The following LCLAT1 variants were observed in gnomAD, a reference collection of about 807,000 sequenced individuals.
LCLAT1 encodes the protein 1-AGP acyltransferase 8.
A neutral mutation model predicts 30.7 loss-of-function variants in LCLAT1; 11 were observed. That is an observed-to-expected ratio of 0.36 (90% CI 0.23 to 0.59). The LOEUF is 0.59. LCLAT1 is among the 20% of genes least tolerant of loss of function. The pLI is 0.77. For synonymous variants in LCLAT1, 155 were observed against 151.3 expected, an observed-to-expected ratio of 1.02 and a Z score of -0.18; for missense variants, 402 against 458.6, an observed-to-expected ratio of 0.88 and a Z score of 1.13.
At chr2:30,471,666 A>G (rs1682802237) in intron 1 of LCLAT1, among the ~76,000 whole-genome samples, 1 of 152,140 alleles carries the variant, frequency 6.6e-6, no homozygotes, top group African/African-American at 2.4e-5. Flanking sequence ...TGGAATTACT[A>G]ATTTTCCTTT....
chr2:30,448,096 GGTGGCTTCCCT>G (rs1254551602), intron 1 of LCLAT1, among the ~76,000 whole-genome samples: 16 of 152,360 alleles, frequency 1.1e-4, no homozygotes, highest in Non-Finnish European at 2.2e-4. Context: ...CCCTGGTTCA[GGTGGCTTCCCT>G]GGAAATACTG....
rs1439687184 is a variant in LCLAT1, at chr2:30,475,616, A to T, written c.-5+28233A>T. On this transcript the variant is annotated intron_variant, in intron 1 of 5. Transcript: ENST00000379509. ...ACATTTTAATGCATGTTTAAATAGAATAATTTTTAAATTGGCATGCCTGTT... is the reference window on the plus strand; with the variant it reads ...ACATTTTAATGCATGTTTAAATAGATTAATTTTTAAATTGGCATGCCTGTT... Among the ~76,000 whole-genome samples, 3 of 152,188 alleles carry T rather than the reference A, an allele frequency of 2.0e-5. No homozygotes were observed. In the East Asian group the frequency reaches 5.8e-4, roughly 29 times the overall value.
At chr2:30,459,521 T>C in intron 1 of LCLAT1, 1 of 864,100 alleles carries the variant, frequency 1.2e-6, no homozygotes. Flanking sequence ...CTCTGCTTTC[T>C]CTTTTTTTCT....
chr2:30,584,040 G>T (rs570042643), intron 5 of LCLAT1, among the ~76,000 whole-genome samples: 4 of 151,904 alleles, frequency 2.6e-5, no homozygotes, highest in African/African-American at 9.7e-5. Flanking sequence ...CCACCTCTCA[G>T]CAGGCCCTGG....
At chr2:30,531,219 C>A (rs894788) in intron 2 of LCLAT1, among the ~76,000 whole-genome samples, 74,035 of 151,702 alleles carry the variant, frequency 0.49, 19,381 homozygotes, top group Non-Finnish European at 0.58. Context: ...GAGCCGAGAT[C>A]GCGCCACTAC....
intron 1 of LCLAT1, among the ~76,000 whole-genome samples, chr2:30,503,071 C>G (rs1239349876): frequency 1.3e-5 from 2 of 152,202 alleles, no homozygotes; most frequent in African/African-American, 4.8e-5. Context: ...TTATTTAGAA[C>G]TTTCTAGGAA....
intron 3 of LCLAT1, among the ~76,000 whole-genome samples, chr2:30,547,523 C>T (rs1489058520): frequency 1.3e-5 from 2 of 152,240 alleles, no homozygotes; most frequent in African/African-American, 4.8e-5. Context: ...TTGAGCCAGT[C>T]TAACCAAAGG....
rs1669236386 is a variant in LCLAT1, at chr2:30,640,316, G to C, written c.828G>C (p.Arg276Ser). Residue 276 changes from arginine to serine, a missense_variant, in exon 6 of 6, where the codon AGG becomes AGC. Coordinates refer to ENST00000379509, the MANE Select transcript of LCLAT1 (RefSeq NM_001002257.3). ...CHKRWEEKEERLRSFYQGEKN... is the reference protein window; with the variant it reads ...CHKRWEEKEESLRSFYQGEKN... ...AACGGTGGGAAGAGAAAGAAGAGAG[G>C]CTGCGTTCCTTCTATCAAGGGGAGA... 6.2e-7 allele frequency: 1 copy of C among 1,614,168 alleles called. No individual in the cohort carries two copies. The highest frequency in any genetic ancestry group is 2.2e-5 in the East Asian group (1 of 44,884).
In LCLAT1 at chr2:30,477,972, C is replaced by CA. The variant is rs543584455; in HGVS notation, c.-5+30592dup. Reference sequence around the variant, plus strand: ...AAGTTTTTCTAGCAGTGAAAAATCTCAAAGATTTACTTAAGGGATAGGAAT... The same window carrying CA: ...AAGTTTTTCTAGCAGTGAAAAATCTCAAAAGATTTACTTAAGGGATAGGAAT... On this transcript the variant is annotated intron_variant, in intron 1 of 5. Coordinates refer to ENST00000379509, the MANE Select transcript of LCLAT1 (RefSeq NM_001002257.3). 5.4e-5 allele frequency among the ~76,000 whole-genome samples: 8 copies of CA among 149,332 alleles called. No individual in the cohort carries two copies. In the South Asian group the frequency reaches 1.7e-3, roughly 32 times the overall value.
At chr2:30,504,391 T>G (rs934141370) in intron 1 of LCLAT1, among the ~76,000 whole-genome samples, 1 of 152,174 alleles carries the variant, frequency 6.6e-6, no homozygotes, top group African/African-American at 2.4e-5. Context: ...TGGGAAGAGA[T>G]AAATGCTACT....
At chr2:30,511,008 A>G (rs974529024) in intron 1 of LCLAT1, among the ~76,000 whole-genome samples, 2 of 151,986 alleles carry the variant, frequency 1.3e-5, no homozygotes, top group Non-Finnish European at 2.9e-5. Flanking sequence ...TTTCCCCTGA[A>G]TAGTTTATTT....
intron 3 of LCLAT1, among the ~76,000 whole-genome samples, chr2:30,544,666 C>G (rs996360959): frequency 2.4e-4 from 37 of 152,068 alleles, no homozygotes; most frequent in African/African-American, 8.5e-4. Context: ...CTTCTATCAG[C>G]TTTGAATACC....
In LCLAT1 at chr2:30,643,722, T is replaced by G. The variant is rs1012953669; in HGVS notation, c.*3103T>G. On this transcript the variant is annotated 3_prime_UTR_variant, in exon 6 of 6. Transcript: ENST00000379509. ...ACGGAGGGAGCCTGTTGGTGTTAAATTGTTTACATTTCTTTATACAAATAA... is the reference window on the plus strand; with the variant it reads ...ACGGAGGGAGCCTGTTGGTGTTAAAGTGTTTACATTTCTTTATACAAATAA... 6 of 152,660 alleles carry G rather than the reference T, an allele frequency of 3.9e-5. No homozygotes were observed. The highest frequency in any genetic ancestry group is 8.8e-5 in the Non-Finnish European group (6 of 68,044). 9.5% of individuals were successfully genotyped at this position (152,660 alleles called of 1,614,324 possible).
Position 30,520,867 on chromosome 2 carries a change from A to G in LCLAT1, c.-4-4720A>G, listed in dbSNP as rs188175946. Among the ~76,000 whole-genome samples the G allele has an allele frequency of 1.7e-3, 263 of 152,332 alleles. 1 individual carries two copies. Among genetic ancestry groups the G allele is most frequent in the East Asian group, 0.013 (70 of 5,186 alleles). On this transcript the variant is annotated intron_variant, in intron 1 of 5. Transcript: ENST00000379509. Reference sequence around the variant, plus strand: ...AATATACTTTCTATGGATTTTCACAAATGTGTATAGTCTTGTGACTGTCAG... The same window carrying G: ...AATATACTTTCTATGGATTTTCACAGATGTGTATAGTCTTGTGACTGTCAG...
At chr2:30,514,569 T>C (rs1029510089) in intron 1 of LCLAT1, among the ~76,000 whole-genome samples, 2 of 152,246 alleles carry the variant, frequency 1.3e-5, no homozygotes, top group Non-Finnish European at 2.9e-5. Context: ...AAGTTCCTGA[T>C]AGGTATTCGG....
At chr2:30,552,537 G>C (rs1358969002) in intron 3 of LCLAT1, 1 of 448,580 alleles carries the variant, frequency 2.2e-6, no homozygotes, top group Non-Finnish European at 4.5e-6. Flanking sequence ...ACTACAACAG[G>C]ATTGTTGCTG....
chr2:30,574,894 G>C (rs1288481374), intron 5 of LCLAT1, among the ~76,000 whole-genome samples: 1 of 152,132 alleles, frequency 6.6e-6, no homozygotes, highest in South Asian at 2.1e-4. Flanking sequence ...CAAAACAGAG[G>C]TCTGCCAGCA....
intron 3 of LCLAT1, among the ~76,000 whole-genome samples, chr2:30,551,804 G>A (rs924764059): frequency 6.6e-6 from 1 of 152,070 alleles, no homozygotes; most frequent in African/African-American, 2.4e-5. Context: ...AAGTCATCTT[G>A]TGCCTCCCTC....
chr2:30,526,503 C>G (rs372831125), intron 2 of LCLAT1, among the ~76,000 whole-genome samples: 2 of 152,106 alleles, frequency 1.3e-5, no homozygotes, highest in African/African-American at 4.8e-5. Flanking sequence ...GATTTCTCAT[C>G]TATTTATTAA....
Sources: gnomAD v4.1 joint callset for allele counts (sites outside exome capture counted in the v4.1 genomes callset) on GRCh38, gnomAD v4.1.1 for gene constraint, MANE v1.5 for transcripts, NCBI Gene and HGNC (gene_info 2026-07-23, HGNC 2026-07-21) for gene names.